UBE2H: variants seen among roughly 807,000 people sequenced by gnomAD.
UBE2H encodes ubiquitin conjugating enzyme E2 H.
In UBE2H, 3 loss-of-function variants were observed where a neutral mutation model predicts 29.0. The observed-to-expected ratio is 0.10, with a 90% CI of 0.05 to 0.27. UBE2H has a LOEUF of 0.27. Ranked by LOEUF, UBE2H falls within the 10% of genes least tolerant of loss-of-function variation. UBE2H has a pLI of 1.00. For synonymous variants in UBE2H, 69 were observed against 82.9 expected (o/e 0.83, Z 0.91); for missense variants, 68 against 228.2 (o/e 0.30, Z 4.52).
chr7:129,933,075 A>C (rs1308450033), intron 1 of UBE2H, among the ~76,000 whole-genome samples: 1 of 152,198 alleles, frequency 6.6e-6, no homozygotes, highest in Non-Finnish European at 1.5e-5. Flanking sequence ...ATATAACACT[A>C]AACTTCAGGT....
chr7:129,947,608 A>G (rs949183788), intron 1 of UBE2H, among the ~76,000 whole-genome samples: 3 of 152,246 alleles, frequency 2.0e-5, no homozygotes, highest in Non-Finnish European at 4.4e-5. Context: ...AAACAGGTGT[A>G]CAGATCCCCA....
At chr7:129,919,047 G>A in intron 1 of UBE2H, among the ~76,000 whole-genome samples, 1 of 143,954 alleles carries the variant, frequency 6.9e-6, no homozygotes, top group South Asian at 2.2e-4. Flanking sequence ...TTGTGTCACT[G>A]CACTCAAGCC....
At chr7:129,888,726 C>T (rs1427681676) in intron 1 of UBE2H, among the ~76,000 whole-genome samples, 1 of 152,182 alleles carries the variant, frequency 6.6e-6, no homozygotes, top group Non-Finnish European at 1.5e-5. Flanking sequence ...CCGTTCGCCT[C>T]AGCCTCCCAA....
At chr7:129,851,475 A>C (rs1805608492) in intron 5 of UBE2H, among the ~76,000 whole-genome samples, 1 of 152,248 alleles carries the variant, frequency 6.6e-6, no homozygotes, top group Non-Finnish European at 1.5e-5. Context: ...ATATCAGAAA[A>C]GAATAACAAG....
intron 1 of UBE2H, among the ~76,000 whole-genome samples, chr7:129,935,136 A>C (rs1437859421): frequency 6.6e-6 from 1 of 151,724 alleles, no homozygotes; most frequent in Non-Finnish European, 1.5e-5. Context: ...TTTAAAAATA[A>C]ATTTAAGGCT....
At chr7:129,848,415 A>G (rs182064310) in intron 5 of UBE2H, among the ~76,000 whole-genome samples, 14 of 152,308 alleles carry the variant, frequency 9.2e-5, no homozygotes, top group South Asian at 8.3e-4. Flanking sequence ...TGTCTAAGGT[A>G]TTTATCTGTT....
chr7:129,845,259 T>C (rs1805493047), intron 5 of UBE2H, among the ~76,000 whole-genome samples: 1 of 152,190 alleles, frequency 6.6e-6, no homozygotes, highest in Non-Finnish European at 1.5e-5. Flanking sequence ...CATCCTAAGG[T>C]TGCAGCTTCA....
intron 1 of UBE2H, among the ~76,000 whole-genome samples, chr7:129,894,919 G>A (rs1215816753): frequency 6.6e-6 from 1 of 152,074 alleles, no homozygotes; most frequent in African/African-American, 2.4e-5. Context: ...AACTTGGACT[G>A]AACCGCAGAG....
At chr7:129,864,249 G>T (rs984110119) in intron 3 of UBE2H, among the ~76,000 whole-genome samples, 1 of 152,196 alleles carries the variant, frequency 6.6e-6, no homozygotes, top group African/African-American at 2.4e-5. Context: ...TGGACAAGGA[G>T]GGGGGAGACA....
chr7:129,864,885 G>A, intron 3 of UBE2H: 1 of 232,374 alleles, frequency 4.3e-6, no homozygotes, highest in South Asian at 4.9e-5. Flanking sequence ...ATATTTCAGT[G>A]ATTTGACCAG....
chr7:129,893,646 ACT>A (rs1478074468), intron 1 of UBE2H, among the ~76,000 whole-genome samples: 1 of 152,240 alleles, frequency 6.6e-6, no homozygotes, highest in East Asian at 1.9e-4. Context: ...TCAGTTACGC[ACT>A]TTAAAATATT....
chr7:129,847,528 C>G (rs1196830532), intron 5 of UBE2H, among the ~76,000 whole-genome samples: 1 of 150,816 alleles, frequency 6.6e-6, no homozygotes, highest in Non-Finnish European at 1.5e-5. Context: ...TTTTTTTTTC[C>G]AGAGACAAGT....
chr7:129,856,302 A>G (rs1008519717), intron 5 of UBE2H, among the ~76,000 whole-genome samples: 73 of 152,326 alleles, frequency 4.8e-4, no homozygotes, highest in African/African-American at 1.7e-3. Context: ...CTCAGCCTCA[A>G]CTGAGCTTTC....
At chr7:129,918,342 T>A (rs573646345) in intron 1 of UBE2H, among the ~76,000 whole-genome samples, 1 of 151,964 alleles carries the variant, frequency 6.6e-6, no homozygotes, top group East Asian at 1.9e-4. Flanking sequence ...ATGAAAGACA[T>A]TGTCCAAAAA....
chr7:129,947,948 G>A (rs917309389), intron 1 of UBE2H, among the ~76,000 whole-genome samples: 1 of 152,094 alleles, frequency 6.6e-6, no homozygotes, highest in Non-Finnish European at 1.5e-5. Flanking sequence ...CGCCTCATGG[G>A]TTCAAGCTAT....
At chr7:129,914,763 T>C (rs1422840378) in intron 1 of UBE2H, among the ~76,000 whole-genome samples, 1 of 152,142 alleles carries the variant, frequency 6.6e-6, no homozygotes, top group African/African-American at 2.4e-5. Context: ...ATAGAGAATT[T>C]AGTTGTTCAG....
At chr7:129,933,067 A>G (rs1258122450) in intron 1 of UBE2H, among the ~76,000 whole-genome samples, 2 of 152,214 alleles carry the variant, frequency 1.3e-5, no homozygotes, top group South Asian at 2.1e-4. Flanking sequence ...ACATTTAAAT[A>G]TAACACTAAA....
At chr7:129,847,969 A>G (rs888838799) in intron 5 of UBE2H, among the ~76,000 whole-genome samples, 1 of 152,164 alleles carries the variant, frequency 6.6e-6, no homozygotes, top group Non-Finnish European at 1.5e-5. Context: ...CAAAACCAAT[A>G]TATCATTCCA....
rs962319801 is a variant in UBE2H, at chr7:129,833,933, G to A, written c.*1004C>T. On this transcript the variant is annotated 3_prime_UTR_variant, in exon 7 of 7. Transcript: ENST00000355621. ...TCTTCTCAAGTCTAATGGTCCATGA[G>A]CGGCTTGTCCAAGGAGGCGGCCGCC... The A allele has an allele frequency of 3.3e-5, 5 of 152,136 alleles. No homozygotes were observed. Among genetic ancestry groups the A allele is most frequent in the African/African-American group, 9.7e-5 (4 of 41,404 alleles). 9.4% of individuals were successfully genotyped at this position (152,136 alleles called of 1,614,324 possible).
Sources: allele counts gnomAD v4.1 joint callset (sites outside exome capture counted in the v4.1 genomes callset), GRCh38; gene constraint gnomAD v4.1.1; transcripts MANE v1.5; gene names NCBI Gene and HGNC (gene_info 2026-07-23, HGNC 2026-07-21).